Variants in MTR observed in about 807,000 individuals in gnomAD.
MTR encodes 5-methyltetrahydrofolate-homocysteine methyltransferase.
MTR carries 84 observed loss-of-function variants against 154.8 expected under a neutral mutation model. The ratio of observed to expected loss-of-function variants is 0.54; its 90% confidence interval spans 0.45 to 0.65. MTR has a LOEUF of 0.65. Among genes scored for constraint, MTR ranks in the 30% least tolerant of loss-of-function variants. The pLI is 0.00. For synonymous variants in MTR, 554 were observed against 553.9 expected, an observed-to-expected ratio of 1.00 and a Z score of 0.00; for missense variants, 1,275 against 1,570.2, an observed-to-expected ratio of 0.81 and a Z score of 3.18.
chr1:236,854,623 A>G (rs1664097981), intron 18 of MTR, among the ~76,000 whole-genome samples: 1 of 152,186 alleles, frequency 6.6e-6, no homozygotes, highest in South Asian at 2.1e-4. Flanking sequence ...ATGAAGTCAT[A>G]CTAGACAGTT....
chr1:236,889,364 C>G, intron 28 of MTR, 28 bp downstream of exon 28: 1 of 1,613,504 alleles, frequency 6.2e-7, no homozygotes, highest in Admixed American at 1.7e-5. Flanking sequence ...TTCCTTTCTG[C>G]CTCTGATATT....
chr1:236,894,386 A>G lies in MTR; in HGVS notation c.3234A>G (p.Pro1078=), dbSNP rs761520364. The change falls in exon 30 of 33, where the codon CCA becomes CCG. Residue 1078 remains proline, a synonymous_variant. Coordinates refer to ENST00000366577, the MANE Select transcript of MTR (RefSeq NM_000254.3). The part of the protein sequence containing the change: ...QAEKDSASTE[P]YYCLSDFIAP... Reference sequence around the variant, plus strand: ...AGAAGGACTCTGCCAGCACGGAGCCATACTACTGCCTCTCAGACTTCATCG... The same window carrying G: ...AGAAGGACTCTGCCAGCACGGAGCCGTACTACTGCCTCTCAGACTTCATCG... The G allele has an allele frequency of 5.0e-6, 8 of 1,614,232 alleles. No homozygotes were observed. The highest frequency in any genetic ancestry group is 6.8e-6 in the Non-Finnish European group (8 of 1,180,040).
chr1:236,832,911 T>C (rs1662695461), intron 13 of MTR, among the ~76,000 whole-genome samples: 2 of 152,200 alleles, frequency 1.3e-5, no homozygotes, highest in African/African-American at 4.8e-5. Flanking sequence ...CAGGGCCTGG[T>C]TGCCCAGTTT....
At chr1:236,807,197 AG>A (rs1208575673) in intron 3 of MTR, among the ~76,000 whole-genome samples, 1 of 151,764 alleles carries the variant, frequency 6.6e-6, no homozygotes, top group Non-Finnish European at 1.5e-5. Flanking sequence ...TTTTTGAGGC[AG>A]GGTCTTGCTC....
At chr1:236,853,124 C>T in intron 18 of MTR, 36 bp downstream of exon 18, 2 of 1,610,476 alleles carry the variant, frequency 1.2e-6, no homozygotes, top group Admixed American at 1.7e-5. Context: ...TGGATTTTTC[C>T]TATCTTTGAA....
chr1:236,831,069 G>C (rs1442865116), intron 12 of MTR, among the ~76,000 whole-genome samples: 1 of 152,112 alleles, frequency 6.6e-6, no homozygotes, highest in Non-Finnish European at 1.5e-5. Flanking sequence ...TACTGTCTTT[G>C]TAAACTCAGA....
intron 22 of MTR, among the ~76,000 whole-genome samples, chr1:236,871,516 T>TA (rs142168698): frequency 0.35 from 53,004 of 151,116 alleles, 9,981 homozygotes; most frequent in East Asian, 0.44. Flanking sequence ...TATACAATGT[T>TA]AAAAAAAAAA....
intron 18 of MTR, among the ~76,000 whole-genome samples, chr1:236,858,304 A>G (rs1366578991): frequency 6.6e-6 from 1 of 152,152 alleles, no homozygotes; most frequent in Non-Finnish European, 1.5e-5. Flanking sequence ...CCCTTTATAA[A>G]ACCATTAGAT....
intron 26 of MTR, among the ~76,000 whole-genome samples, chr1:236,885,966 A>G (rs186632281): frequency 1.2e-4 from 18 of 152,292 alleles, no homozygotes; most frequent in African/African-American, 3.8e-4. Flanking sequence ...AGGGTGGGCC[A>G]TGGAAGACCA....
At chr1:236,843,171 C>T (rs777005699) in intron 15 of MTR, among the ~76,000 whole-genome samples, 2 of 151,972 alleles carry the variant, frequency 1.3e-5, no homozygotes, top group Non-Finnish European at 2.9e-5. Context: ...ATTTGATCCC[C>T]CCTCAGCATG....
At chr1:236,806,805 A>G (rs914749200) in intron 3 of MTR, among the ~76,000 whole-genome samples, 17 of 152,166 alleles carry the variant, frequency 1.1e-4, no homozygotes, top group African/African-American at 3.9e-4. Context: ...GAATTTGACT[A>G]TTCTAGGTAC....
At chr1:236,878,858 C>T (rs957056630) in intron 24 of MTR, among the ~76,000 whole-genome samples, 5 of 152,234 alleles carry the variant, frequency 3.3e-5, no homozygotes, top group African/African-American at 1.2e-4. Context: ...GTCTGGCCTC[C>T]CTACCACTCT....
At chr1:236,867,775 C>T (rs1012900793) in intron 22 of MTR, among the ~76,000 whole-genome samples, 3 of 152,140 alleles carry the variant, frequency 2.0e-5, no homozygotes, top group Non-Finnish European at 4.4e-5. Flanking sequence ...GAAGTAACTG[C>T]CGATGTGGTA....
intron 15 of MTR, among the ~76,000 whole-genome samples, chr1:236,843,086 C>CAA (rs563953592): frequency 4.4e-4 from 33 of 74,494 alleles, no homozygotes; most frequent in South Asian, 1.2e-3. Context: ...ACTCTGTCTC[C>CAA]AAAAAAAAAA....
rs551085573 is a variant in MTR, at chr1:236,887,857, A to G, written c.2852-1324A>G. The stretch of plus-strand genomic sequence containing the variant: ...TTTCTTAAATTCTGGGAGACGAGAG[A>G]GTCCATCAGTGGCTCTGCAGCAGCA... On this transcript the variant is annotated intron_variant, in intron 27 of 32. Transcript: ENST00000366577. Among the ~76,000 whole-genome samples the G allele has an allele frequency of 2.0e-5, 3 of 152,350 alleles. No individual in the cohort carries two copies. The South Asian group carries it at 6.2e-4, about 32-fold the overall frequency.
intron 15 of MTR, among the ~76,000 whole-genome samples, chr1:236,842,142 C>T (rs61607467): frequency 0.35 from 53,376 of 152,100 alleles, 10,169 homozygotes; most frequent in East Asian, 0.43. Context: ...CCGCCCGCCT[C>T]GGCTTCCCAA....
intron 8 of MTR, among the ~76,000 whole-genome samples, chr1:236,823,584 A>G (rs1261577951): frequency 6.6e-6 from 1 of 152,082 alleles, no homozygotes. Context: ...ATAGTCTAGT[A>G]GCTTCATAGT....
intron 13 of MTR, among the ~76,000 whole-genome samples, chr1:236,832,929 TC>T (rs2103133508): frequency 6.6e-6 from 1 of 152,360 alleles, no homozygotes; most frequent in Admixed American, 6.5e-5. Flanking sequence ...TTTCACCACT[TC>T]CTCTGTTGGT....
chr1:236,816,154 G>A (rs1661581303), intron 7 of MTR, among the ~76,000 whole-genome samples: 1 of 152,128 alleles, frequency 6.6e-6, no homozygotes, highest in Non-Finnish European at 1.5e-5. Flanking sequence ...GTTATCTCTG[G>A]GAAATCTGCC....
Sources: allele counts gnomAD v4.1 joint callset (sites outside exome capture counted in the v4.1 genomes callset), GRCh38; gene constraint gnomAD v4.1.1; transcripts MANE v1.5; gene names NCBI Gene and HGNC (gene_info 2026-07-23, HGNC 2026-07-21).